Variants in CPVL observed in about 807,000 individuals in gnomAD.
CPVL encodes carboxypeptidase vitellogenic like.
Under a neutral mutation model 63.7 loss-of-function variants are expected in CPVL, and 51 were observed. The observed-to-expected ratio is 0.80, with a 90% CI of 0.64 to 1.01. The LOEUF (loss-of-function observed/expected upper bound fraction) is 1.01. Ranked by LOEUF, CPVL falls within the 50% of genes least tolerant of loss-of-function variation. The pLI is 0.00. For missense variants in CPVL, 530 were observed against 573.1 expected (o/e 0.92, Z 0.77); for synonymous variants, 195 against 206.0 (o/e 0.95, Z 0.46).
chr7:29,006,140 G>A (rs148334076), intron 12 of CPVL, among the ~76,000 whole-genome samples: 1 of 152,324 alleles, frequency 6.6e-6, no homozygotes, highest in African/African-American at 2.4e-5. Context: ...AGAACCAACT[G>A]TGCACATTGC....
In CPVL at chr7:29,101,263, G is replaced by A. The variant is rs1048701879; in HGVS notation, c.289-5046C>T. Among the ~76,000 whole-genome samples the A allele has an allele frequency of 3.3e-5, 5 of 152,336 alleles. No homozygotes were observed. The East Asian group carries it at 5.8e-4, about 18-fold the overall frequency. On this transcript the variant is annotated intron_variant, in intron 3 of 12. Transcript: ENST00000265394. ...TTACCATATTGAAGTTGTAATTCAA[G>A]AGTGTATGAAGCAAGACAATTAATG...
intron 3 of CPVL, among the ~76,000 whole-genome samples, chr7:29,108,374 G>A (rs1787930961): frequency 6.6e-6 from 1 of 152,166 alleles, no homozygotes. Context: ...CAATGAGAAG[G>A]ATGCTGACTT....
chr7:29,121,778 G>A (rs1281567874), intron 1 of CPVL, among the ~76,000 whole-genome samples: 2 of 152,220 alleles, frequency 1.3e-5, no homozygotes, highest in Non-Finnish European at 2.9e-5. Context: ...AGAAGCAATG[G>A]ATTTCTGGTT....
intron 1 of CPVL, among the ~76,000 whole-genome samples, chr7:29,125,649 T>C (rs1789936230): frequency 1.3e-5 from 2 of 152,070 alleles, no homozygotes; most frequent in Admixed American, 1.3e-4. Flanking sequence ...CGCCTCGGCC[T>C]CCCAAAGTGC....
chr7:29,159,109 G>A (rs1303240714), intron 5 of CPVL, among the ~76,000 whole-genome samples: 1 of 152,186 alleles, frequency 6.6e-6, no homozygotes, highest in African/African-American at 2.4e-5. Context: ...TTCCTAATGG[G>A]CTACACAGCA....
upstream of CPVL, chr7:29,147,007 T>C (rs747423169): frequency 2.4e-4 from 379 of 1,549,922 alleles, no homozygotes; most frequent in Middle Eastern, 3.3e-4. Flanking sequence ...CTCTCCTGAA[T>C]CACTGCGCTG....
At chr7:29,056,454 A>AG (rs1198089470) in intron 11 of CPVL, among the ~76,000 whole-genome samples, 1 of 152,200 alleles carries the variant, frequency 6.6e-6, no homozygotes, top group Non-Finnish European at 1.5e-5. Flanking sequence ...TAGCCTTTTC[A>AG]GATTGGCTTC....
At chr7:29,024,017 G>C (rs1787255645) in intron 12 of CPVL, among the ~76,000 whole-genome samples, 1 of 152,006 alleles carries the variant, frequency 6.6e-6, no homozygotes, top group Non-Finnish European at 1.5e-5. Flanking sequence ...TGACATATCT[G>C]GTAAAGATTT....
intron 11 of CPVL, among the ~76,000 whole-genome samples, chr7:29,051,028 C>G (rs1007628467): frequency 6.6e-6 from 1 of 152,114 alleles, no homozygotes. Context: ...ACAAATGGTG[C>G]TGGGATAATT....
chr7:29,188,541 T>TTA (rs1470440799), intron 1 of CPVL, among the ~76,000 whole-genome samples: 1 of 151,786 alleles, frequency 6.6e-6, no homozygotes, highest in Admixed American at 6.6e-5. Flanking sequence ...ATTTTTTTTT[T>TTA]AAAAAAAAGA....
chr7:29,122,038 T>C (rs1392114404), intron 1 of CPVL, among the ~76,000 whole-genome samples: 2 of 152,246 alleles, frequency 1.3e-5, no homozygotes, highest in Non-Finnish European at 2.9e-5. Flanking sequence ...GGCATAAAAC[T>C]GTATAATTAT....
At chr7:29,053,983 G>C (rs1324932694) in intron 11 of CPVL, among the ~76,000 whole-genome samples, 5 of 152,078 alleles carry the variant, frequency 3.3e-5, no homozygotes, top group Admixed American at 2.0e-4. Context: ...ACTGAGGCTG[G>C]AGGAGAGCTT....
At chr7:29,108,016 T>G (rs1334919685) in intron 3 of CPVL, among the ~76,000 whole-genome samples, 1 of 152,216 alleles carries the variant, frequency 6.6e-6, no homozygotes, top group East Asian at 1.9e-4. Context: ...GACTGCTGAT[T>G]GTGCTATCTG....
intron 11 of CPVL, among the ~76,000 whole-genome samples, chr7:29,046,862 T>C (rs1789674993): frequency 6.6e-6 from 1 of 152,178 alleles, no homozygotes; most frequent in Admixed American, 6.5e-5. Flanking sequence ...TGTTTAATTA[T>C]TTTTAAAATG....
intron 1 of CPVL, among the ~76,000 whole-genome samples, chr7:29,141,247 G>C (rs1369807213): frequency 6.6e-6 from 1 of 152,192 alleles, no homozygotes; most frequent in East Asian, 1.9e-4. Flanking sequence ...GGAATAGCAT[G>C]AAAGATTTAA....
At chr7:29,047,744 G>A (rs1006586816) in intron 11 of CPVL, among the ~76,000 whole-genome samples, 7 of 152,140 alleles carry the variant, frequency 4.6e-5, no homozygotes, top group South Asian at 2.1e-4. Flanking sequence ...GTCCAATCAG[G>A]TTATCCAAAG....
chr7:29,063,853 T>G (rs1782875743), intron 11 of CPVL, among the ~76,000 whole-genome samples: 1 of 151,646 alleles, frequency 6.6e-6, no homozygotes, highest in Admixed American at 6.6e-5. Context: ...ATTACAGGTA[T>G]AAGTCACCAC....
intron 3 of CPVL, among the ~76,000 whole-genome samples, chr7:29,103,769 C>G (rs1175987371): frequency 2.0e-5 from 3 of 152,190 alleles, no homozygotes; most frequent in Non-Finnish European, 1.5e-5. Flanking sequence ...AACTAAACCA[C>G]TAACAGATCC....
chr7:29,002,607 C>T (rs1227068299), intron 12 of CPVL, among the ~76,000 whole-genome samples: 1 of 151,950 alleles, frequency 6.6e-6, no homozygotes, highest in Non-Finnish European at 1.5e-5. Flanking sequence ...ACCAGGTACA[C>T]ATTTTAAAGT....
Sources: allele counts gnomAD v4.1 joint callset (sites outside exome capture counted in the v4.1 genomes callset), GRCh38; gene constraint gnomAD v4.1.1; transcripts MANE v1.5; gene names NCBI Gene and HGNC (gene_info 2026-07-23, HGNC 2026-07-21).